Variants in NUP210L observed in about 807,000 individuals in gnomAD.
NUP210L encodes nucleoporin 210 like.
A neutral mutation model predicts 208.5 loss-of-function variants in NUP210L; 74 were observed. The ratio of observed to expected loss-of-function variants is 0.35; its 90% CI spans 0.29 to 0.43. The LOEUF (loss-of-function observed/expected upper bound fraction) is 0.43, where lower values mean the gene tolerates loss of function less well. Ranked by LOEUF, NUP210L falls within the 20% of genes least tolerant of loss-of-function variation. NUP210L has a pLI of 1.00. For synonymous variants in NUP210L, 780 were observed against 816.9 expected (o/e 0.95, Z 0.77); for missense variants, 1,843 against 2,289.4 (o/e 0.81, Z 3.98).
chr1:153,999,464 G>A (rs920320658), intron 37 of NUP210L, among the ~76,000 whole-genome samples: 2 of 152,130 alleles, frequency 1.3e-5, no homozygotes, highest in African/African-American at 2.4e-5. Flanking sequence ...TTGGCCGGGT[G>A]CGGTGGCTCA....
chr1:154,058,808 G>C (rs2147994299), intron 20 of NUP210L, 115 bp from the exon 21 acceptor site: 2 of 969,296 alleles, frequency 2.1e-6, no homozygotes, highest in East Asian at 5.2e-5. Context: ...TTGAACTGGG[G>C]ACTCTCAGAC....
intron 10 of NUP210L, among the ~76,000 whole-genome samples, chr1:154,121,816 G>A (rs765571731): frequency 5.9e-5 from 9 of 151,500 alleles, no homozygotes; most frequent in Non-Finnish European, 1.2e-4. Context: ...GCAGTGGGCC[G>A]AGATCGTTCC....
At chr1:154,063,704 T>C (rs1654253712) in intron 17 of NUP210L, among the ~76,000 whole-genome samples, 1 of 152,110 alleles carries the variant, frequency 6.6e-6, no homozygotes. Context: ...TACCAATCTC[T>C]CATGGTGGTT....
chr1:154,070,794 C>T (rs973529822), intron 16 of NUP210L, among the ~76,000 whole-genome samples: 8 of 152,008 alleles, frequency 5.3e-5, no homozygotes, highest in Admixed American at 2.0e-4. Context: ...CCTAAGAATA[C>T]GAGAACATTC....
At chr1:154,086,242 G>GA (rs1293977707) in intron 16 of NUP210L, among the ~76,000 whole-genome samples, 1 of 149,084 alleles carries the variant, frequency 6.7e-6, no homozygotes, top group Non-Finnish European at 1.5e-5. Context: ...GAAAAGAAAA[G>GA]AAAAAAACAA....
At chr1:154,153,066 T>C (rs772374507) in intron 1 of NUP210L, among the ~76,000 whole-genome samples, 194 bp from the exon 2 acceptor site, 1 of 152,314 alleles carries the variant, frequency 6.6e-6, no homozygotes, top group South Asian at 2.1e-4. Context: ...AATGATCCCT[T>C]GAACAAAGTC....
At chr1:154,081,670 T>A (rs1655335172) in intron 16 of NUP210L, among the ~76,000 whole-genome samples, 1 of 152,144 alleles carries the variant, frequency 6.6e-6, no homozygotes, top group Non-Finnish European at 1.5e-5. Flanking sequence ...TTAATCATGT[T>A]TACATAATAA....
intron 12 of NUP210L, among the ~76,000 whole-genome samples, chr1:154,106,415 C>T (rs901259583): frequency 2.0e-5 from 3 of 152,156 alleles, no homozygotes. Context: ...TGAACCTGCC[C>T]TGGGCTGGTG....
Position 154,000,858 on chromosome 1 carries a change from GCACCCAA to G in NUP210L, c.5377_5383del (p.Leu1793GlnfsTer22). The stretch of plus-strand genomic sequence containing the variant: ...AAATAGGAATCTCTGATGCTTACCT[GCACCCAA>G]CTTATCTTTCATAGCCCTCACTACC... On this transcript the variant is annotated frameshift_variant, in exon 37 of 40. Coordinates refer to ENST00000368559, the Ensembl canonical transcript of NUP210L. LOFTEE classifies it high-confidence loss of function. The G allele has an allele frequency of 6.2e-7, 1 of 1,612,210 alleles. No individual in the cohort carries two copies. The highest frequency in any genetic ancestry group is 1.3e-5 in the African/African-American group (1 of 74,974).
chr1:154,154,916 C>T, exon 1 of NUP210L: 1 of 1,614,256 alleles, frequency 6.2e-7, no homozygotes, highest in South Asian at 1.1e-5. Flanking sequence ...GTAGCAACAC[C>T]TGTGGCACGT....
exon 32 of NUP210L, chr1:154,022,151 G>A (rs200535286): frequency 1.9e-6 from 3 of 1,613,854 alleles, no homozygotes; most frequent in Non-Finnish European, 2.5e-6. Context: ...GGTGAGTACT[G>A]AAGCAGATGA....
intron 14 of NUP210L, among the ~76,000 whole-genome samples, chr1:154,096,265 CATATTTATT>C (rs1160089594): frequency 2.6e-5 from 4 of 152,114 alleles, no homozygotes; most frequent in African/African-American, 9.7e-5. Flanking sequence ...ACTGTTCAGT[CATATTTATT>C]ATTGAGTACT....
exon 31 of NUP210L, chr1:154,023,217 G>A (rs1466174174): frequency 1.2e-6 from 2 of 1,613,896 alleles, no homozygotes; most frequent in Non-Finnish European, 1.7e-6. Flanking sequence ...ACATGCCCAA[G>A]GGAAATGCTG....
At chr1:154,135,776 A>C (rs770574915) in intron 7 of NUP210L, 38 bp downstream of exon 7, 6 of 1,557,214 alleles carry the variant, frequency 3.9e-6, no homozygotes, top group Non-Finnish European at 5.3e-6. Flanking sequence ...TGCTCAAGGA[A>C]GTGTAGACTG....
Position 154,060,657 on chromosome 1 carries a change from A to C in NUP210L, c.2749-16T>G, listed in dbSNP as rs1165488984. On this transcript the variant is annotated splice_polypyrimidine_tract_variant and intron_variant, in intron 19 of 39. Coordinates refer to ENST00000368559, the Ensembl canonical transcript of NUP210L. ...TAAATGTTTCCTATGGAAAAATCAGACAAACAATATTCTGTTTGCTTCAGT... is the reference window on the plus strand; with the variant it reads ...TAAATGTTTCCTATGGAAAAATCAGCCAAACAATATTCTGTTTGCTTCAGT... 1 of 1,535,130 alleles carries C rather than the reference A, an allele frequency of 6.5e-7. No homozygotes were observed. Among genetic ancestry groups the C allele is most frequent in the Non-Finnish European group, 9.0e-7 (1 of 1,109,314 alleles).
chr1:153,996,079 T>A, intron 37 of NUP210L: 1 of 327,534 alleles, frequency 3.1e-6, no homozygotes, highest in East Asian at 7.5e-5. Context: ...GATCACAAGG[T>A]CAGGAGATCA....
intron 37 of NUP210L, chr1:153,995,806 G>A (rs537624143): frequency 1.3e-5 from 8 of 639,614 alleles, no homozygotes; most frequent in African/African-American, 5.4e-5. Context: ...GATTCGTGCC[G>A]TAAAACCTGA....
intron 27 of NUP210L, among the ~76,000 whole-genome samples, chr1:154,039,089 C>T (rs1334237419): frequency 6.6e-6 from 1 of 152,098 alleles, no homozygotes; most frequent in Non-Finnish European, 1.5e-5. Flanking sequence ...TGTGTACTTA[C>T]TATTACCAGT....
rs112272366 is a variant in NUP210L at position 154,081,396 on chromosome 1, T to C, written c.2361+8025A>G. 2.4e-3 allele frequency among the ~76,000 whole-genome samples: 364 copies of C among 152,318 alleles called. 3 individuals are homozygous for C. In the Middle Eastern group the frequency reaches 0.027, roughly 11 times the overall value. On this transcript the variant is annotated intron_variant, in intron 16 of 39. Transcript: ENST00000368559. The stretch of plus-strand genomic sequence containing the variant: ...TAATAAAGAGGTTGTCCTCAGTTCC[T>C]GGGAGGTAACCCCTAAACCTTTGGA...
Sources: gnomAD v4.1 joint callset for allele counts (sites outside exome capture counted in the v4.1 genomes callset) on GRCh38, gnomAD v4.1.1 for gene constraint, MANE v1.5 for transcripts, NCBI Gene and HGNC (gene_info 2026-07-23, HGNC 2026-07-21) for gene names.